LRRC7: variants seen among roughly 807,000 people sequenced by gnomAD.
The protein encoded by LRRC7 is leucine-rich repeat-containing protein 7.
In LRRC7, 23 loss-of-function variants were observed where a neutral mutation model predicts 175.7. The observed-to-expected ratio is 0.13, with a 90% confidence interval of 0.09 to 0.19. The LOEUF (loss-of-function observed/expected upper bound fraction) is 0.19. Among genes scored for constraint, LRRC7 ranks in the 10% least tolerant of loss-of-function variants. The pLI, the probability that LRRC7 is intolerant of heterozygous loss-of-function variation, is 1.00. For missense variants in LRRC7, 1,354 were observed against 1,904.7 expected (o/e 0.71, Z 5.38); for synonymous variants, 685 against 680.9 (o/e 1.01, Z -0.09).
At chr1:69,587,941 G>C (rs538820666) in intron 1 of LRRC7, among the ~76,000 whole-genome samples, 1 of 152,098 alleles carries the variant, frequency 6.6e-6, no homozygotes, top group Non-Finnish European at 1.5e-5. Context: ...GTGTTAGAAT[G>C]GACTAATACG....
At chr1:69,571,869 T>A (rs1381269992) in intron 1 of LRRC7, among the ~76,000 whole-genome samples, 1 of 152,178 alleles carries the variant, frequency 6.6e-6, no homozygotes, top group Non-Finnish European at 1.5e-5. Context: ...TTTTCTTTCT[T>A]CACACAAATT....
At position 70,137,463 on chromosome 1, in the gene LRRC7, G is replaced by A. The variant is rs1386110831; in HGVS notation, c.*15576G>A. 5.9e-5 allele frequency among the ~76,000 whole-genome samples: 9 copies of A among 152,158 alleles called. No homozygotes were observed. The highest frequency in any genetic ancestry group is 2.0e-4 in the Admixed American group (3 of 15,284). On this transcript the variant is annotated 3_prime_UTR_variant, in exon 27 of 27. Coordinates refer to ENST00000651989, the MANE Select transcript of LRRC7 (RefSeq NM_001370785.2). ...TTTTAGACACCTAAGAAAAATGTACGTACATCTGGTGGACTTGCATATCTT... is the reference window on the plus strand; with the variant it reads ...TTTTAGACACCTAAGAAAAATGTACATACATCTGGTGGACTTGCATATCTT...
chr1:69,603,723 A>G (rs1319433254), intron 1 of LRRC7, among the ~76,000 whole-genome samples: 1 of 152,126 alleles, frequency 6.6e-6, no homozygotes, highest in African/African-American at 2.4e-5. Flanking sequence ...TGTACACAGT[A>G]GCTGAAAAAT....
intron 3 of LRRC7, among the ~76,000 whole-genome samples, chr1:69,790,591 TA>T (rs1243514721): frequency 6.6e-6 from 1 of 152,000 alleles, no homozygotes; most frequent in African/African-American, 2.4e-5. Flanking sequence ...TTGCTTTTTT[TA>T]AGTCTATGAA....
At chr1:69,675,837 T>C (rs1428273211) in intron 1 of LRRC7, among the ~76,000 whole-genome samples, 1 of 152,076 alleles carries the variant, frequency 6.6e-6, no homozygotes, top group Non-Finnish European at 1.5e-5. Flanking sequence ...TGTCTTCAAT[T>C]CTTCAAGTTT....
chr1:69,940,416 C>T (rs540527513), intron 8 of LRRC7, among the ~76,000 whole-genome samples: 68 of 152,126 alleles, frequency 4.5e-4, no homozygotes, highest in Non-Finnish European at 5.9e-4. Flanking sequence ...TTAATTAGCT[C>T]GGTTTGCGTT....
intron 23 of LRRC7, among the ~76,000 whole-genome samples, chr1:70,066,941 G>T (rs1662023539): frequency 6.6e-6 from 1 of 152,054 alleles, no homozygotes; most frequent in African/African-American, 2.4e-5. Flanking sequence ...GGTGTGTAGT[G>T]ATATATACAC....
At chr1:70,012,285 A>C (rs1268945607) in intron 12 of LRRC7, among the ~76,000 whole-genome samples, 2 of 151,950 alleles carry the variant, frequency 1.3e-5, no homozygotes, top group East Asian at 1.9e-4. Context: ...TTAAATGTAC[A>C]TATGCTTTTT....
intron 2 of LRRC7, among the ~76,000 whole-genome samples, chr1:69,710,298 A>G (rs911906806): frequency 7.0e-5 from 10 of 142,828 alleles, no homozygotes; most frequent in Admixed American, 6.3e-4. Context: ...AAAAAAAAAA[A>G]GAAAGAAAGA....
intron 7 of LRRC7, among the ~76,000 whole-genome samples, chr1:69,918,553 T>C (rs1471615591): frequency 6.6e-6 from 1 of 152,196 alleles, no homozygotes; most frequent in Non-Finnish European, 1.5e-5. Flanking sequence ...AGTAATAGAC[T>C]GTGTTATGGA....
At chr1:69,873,190 G>A (rs1192453251) in intron 7 of LRRC7, among the ~76,000 whole-genome samples, 2 of 152,070 alleles carry the variant, frequency 1.3e-5, no homozygotes, top group African/African-American at 4.8e-5. Flanking sequence ...TGAAAGTTTT[G>A]CTTGCTCCTT....
intron 17 of LRRC7, among the ~76,000 whole-genome samples, chr1:70,023,788 C>A (rs1657778809): frequency 6.6e-6 from 1 of 152,084 alleles, no homozygotes; most frequent in African/African-American, 2.4e-5. Context: ...AAACTTAATT[C>A]TTAAAATAGC....
intron 2 of LRRC7, among the ~76,000 whole-genome samples, chr1:69,741,666 A>T (rs1255745303): frequency 2.0e-5 from 3 of 151,982 alleles, no homozygotes; most frequent in Admixed American, 6.6e-5. Context: ...AGTATTCAGA[A>T]TAGGGGCAAG....
Position 69,784,757 on chromosome 1 carries a change from G to A in LRRC7, c.304-7286G>A, listed in dbSNP as rs1259599140. On this transcript the variant is annotated intron_variant, in intron 3 of 26. Coordinates refer to ENST00000651989, the MANE Select transcript of LRRC7 (RefSeq NM_001370785.2). ...GGCTATATCGTGGCATTTCTATTAT[G>A]TAACATTTTATTATTTAATTGTTTT... is the stretch of plus-strand genomic sequence containing the variant. Among the ~76,000 whole-genome samples, 3 of 152,066 alleles carry A rather than the reference G, an allele frequency of 2.0e-5. No homozygotes were observed. In the East Asian group the frequency reaches 5.8e-4, roughly 29 times the overall value.
chr1:69,697,742 A>T (rs960812308), intron 2 of LRRC7, among the ~76,000 whole-genome samples: 16 of 152,324 alleles, frequency 1.1e-4, no homozygotes, highest in Middle Eastern at 3.4e-3. Flanking sequence ...TTTCGCTAAA[A>T]ATGTCTCCAG....
chr1:70,140,307 C>A lies in LRRC7; in HGVS notation c.*18420C>A, dbSNP rs1667015077. The A allele has an allele frequency of 6.6e-6, 1 of 152,184 alleles. No individual in the cohort carries two copies. Among genetic ancestry groups the A allele is most frequent in the South Asian group, 2.1e-4 (1 of 4,836 alleles). The allele number at this position is 152,184 out of a possible 1,614,324, so 9.4% of individuals were successfully genotyped here. ...TACAAAGTTCCCCTTATCCAAACTA[C>A]AGCACGCTTACTACTTTCTCCTTCC... On this transcript the variant is annotated 3_prime_UTR_variant, in exon 27 of 27. Transcript: ENST00000651989.
intron 25 of LRRC7, among the ~76,000 whole-genome samples, chr1:70,095,446 A>T (rs1664317647): frequency 6.6e-6 from 1 of 152,176 alleles, no homozygotes; most frequent in Non-Finnish European, 1.5e-5. Flanking sequence ...TTCACCTTTC[A>T]GTTCATTGTC....
At chr1:69,838,200 G>A in intron 6 of LRRC7, 27 bp from the exon 7 acceptor site, 2 of 1,579,866 alleles carry the variant, frequency 1.3e-6, no homozygotes, top group South Asian at 1.1e-5. Flanking sequence ...CATACTAAGA[G>A]GAAATTTTTA....
At chr1:69,959,726 G>A (rs1162249488) in intron 8 of LRRC7, among the ~76,000 whole-genome samples, 1 of 151,966 alleles carries the variant, frequency 6.6e-6, no homozygotes, top group African/African-American at 2.4e-5. Flanking sequence ...TGCTACAGTA[G>A]GGATACTAAC....
Sources: gnomAD v4.1 joint callset for allele counts (sites outside exome capture counted in the v4.1 genomes callset) on GRCh38, gnomAD v4.1.1 for gene constraint, MANE v1.5 for transcripts, NCBI Gene and HGNC (gene_info 2026-07-23, HGNC 2026-07-21) for gene names.